The following LDB2 variants were observed in gnomAD, a reference collection of about 807,000 sequenced individuals.
The protein encoded by LDB2 is LIM domain-binding protein 2.
LDB2 carries 12 observed loss-of-function variants against 44.3 expected under a neutral mutation model. The ratio of observed to expected loss-of-function variants is 0.27; its 90% CI spans 0.17 to 0.44. The LOEUF (loss-of-function observed/expected upper bound fraction) is 0.44, where lower values mean the gene tolerates loss of function less well. Among genes scored for constraint, LDB2 ranks in the 20% least tolerant of loss-of-function variants. The pLI is 1.00. For synonymous variants in LDB2, 164 were observed against 174.8 expected (o/e 0.94, Z 0.49); for missense variants, 344 against 473.5 (o/e 0.73, Z 2.54).
intron 1 of LDB2, among the ~76,000 whole-genome samples, chr4:16,781,412 A>G (rs1773199550): frequency 6.6e-6 from 1 of 152,188 alleles, no homozygotes; most frequent in Non-Finnish European, 1.5e-5. Flanking sequence ...TAGAAAATAA[A>G]GTCAGAGCAG....
chr4:16,774,202 C>G (rs1055891794), intron 1 of LDB2, among the ~76,000 whole-genome samples: 10 of 151,018 alleles, frequency 6.6e-5, no homozygotes, highest in Middle Eastern at 3.2e-3. Flanking sequence ...ATGCAATGCC[C>G]TCATTCCACG....
At chr4:16,576,946 A>G (rs1711882728) in intron 5 of LDB2, among the ~76,000 whole-genome samples, 1 of 152,226 alleles carries the variant, frequency 6.6e-6, no homozygotes, top group Non-Finnish European at 1.5e-5. Flanking sequence ...ATCAATCAAT[A>G]TGATACATCA....
At chr4:16,539,620 G>A (rs1733063310) in intron 5 of LDB2, among the ~76,000 whole-genome samples, 1 of 152,160 alleles carries the variant, frequency 6.6e-6, no homozygotes, top group African/African-American at 2.4e-5. Context: ...AAATAGTTTA[G>A]CTTCCAAGTG....
chr4:16,734,977 G>A (rs989078282), intron 2 of LDB2, among the ~76,000 whole-genome samples: 6 of 152,082 alleles, frequency 3.9e-5, no homozygotes, highest in Non-Finnish European at 7.4e-5. Flanking sequence ...CCAAAGTGCT[G>A]GGATTACAGG....
chr4:16,677,717 A>G (rs1746683131), intron 2 of LDB2, among the ~76,000 whole-genome samples: 1 of 152,212 alleles, frequency 6.6e-6, no homozygotes, highest in Non-Finnish European at 1.5e-5. Flanking sequence ...CTTAACTGGG[A>G]GAGTTTTGTT....
intron 5 of LDB2, among the ~76,000 whole-genome samples, chr4:16,524,278 G>A (rs1443176588): frequency 6.6e-6 from 1 of 152,192 alleles, no homozygotes; most frequent in Non-Finnish European, 1.5e-5. Flanking sequence ...GAGGCTCCCT[G>A]TTGGAGGGAG....
chr4:16,863,692 A>C lies in LDB2; in HGVS notation c.132+34662T>G, dbSNP rs192211796. Among the ~76,000 whole-genome samples, 79 of 115,146 alleles carry C rather than the reference A, an allele frequency of 6.9e-4. 2 individuals are homozygous for C. In the East Asian group the frequency reaches 0.016, roughly 24 times the overall value. 75.5% of individuals were successfully genotyped at this position (115,146 alleles called of 152,430 possible). On this transcript the variant is annotated intron_variant, in intron 1 of 7. Coordinates refer to ENST00000304523, the MANE Select transcript of LDB2 (RefSeq NM_001290.5). ...TTTTTTTTTTTTGAGATGGAGTCTC[A>C]CTCTGTTACCCAGGCTAGAGCGCAG... is the stretch of plus-strand genomic sequence containing the variant.
chr4:16,711,865 G>A (rs2152662315), intron 2 of LDB2, among the ~76,000 whole-genome samples: 1 of 152,286 alleles, frequency 6.6e-6, no homozygotes, highest in Middle Eastern at 3.4e-3. Context: ...AACAAATGGT[G>A]CTGAGATAAC....
chr4:16,814,933 C>T (rs1231527122), intron 1 of LDB2, among the ~76,000 whole-genome samples: 2 of 152,198 alleles, frequency 1.3e-5, no homozygotes, highest in African/African-American at 4.8e-5. Context: ...ATTAGTGCTC[C>T]ATTCAAAAGC....
At chr4:16,773,998 C>CAAAA (rs60133554) in intron 1 of LDB2, among the ~76,000 whole-genome samples, 3 of 128,360 alleles carry the variant, frequency 2.3e-5, no homozygotes, top group Non-Finnish European at 4.9e-5. Context: ...ACTAAAAATA[C>CAAAA]AAAAAAAATA....
intron 5 of LDB2, among the ~76,000 whole-genome samples, chr4:16,520,382 T>G (rs985400376): frequency 6.6e-6 from 1 of 152,064 alleles, no homozygotes; most frequent in Non-Finnish European, 1.5e-5. Flanking sequence ...AAACTCACTC[T>G]GCTCTGAAGA....
chr4:16,846,278 G>T (rs1786988114), intron 1 of LDB2, among the ~76,000 whole-genome samples: 1 of 152,158 alleles, frequency 6.6e-6, no homozygotes, highest in African/African-American at 2.4e-5. Context: ...CAGATAAGAA[G>T]CCTCAGCTGT....
chr4:16,642,249 A>G (rs1735402824), intron 2 of LDB2, among the ~76,000 whole-genome samples: 1 of 152,200 alleles, frequency 6.6e-6, no homozygotes, highest in African/African-American at 2.4e-5. Flanking sequence ...TGAGCTAACT[A>G]GTAAGTCTGA....
intron 2 of LDB2, among the ~76,000 whole-genome samples, chr4:16,709,738 A>G (rs963551804): frequency 2.0e-5 from 3 of 152,240 alleles, no homozygotes; most frequent in Non-Finnish European, 2.9e-5. Context: ...TGGAGAATTC[A>G]GAAGAATTTT....
chr4:16,839,255 G>A (rs1387867763), intron 1 of LDB2, among the ~76,000 whole-genome samples: 1 of 152,150 alleles, frequency 6.6e-6, no homozygotes, highest in Non-Finnish European at 1.5e-5. Flanking sequence ...TGGACATCTG[G>A]CGAAAACCTC....
At chr4:16,894,078 T>C (rs985157661) in intron 1 of LDB2, among the ~76,000 whole-genome samples, 1 of 152,178 alleles carries the variant, frequency 6.6e-6, no homozygotes, top group African/African-American at 2.4e-5. Flanking sequence ...AAAAATACAT[T>C]GTTTTTGCTT....
At position 16,520,041 on chromosome 4, in the gene LDB2, A is replaced by G. The variant is rs151082843; in HGVS notation, c.616-7937T>C. Reference sequence around the variant, plus strand: ...TCAGGCCAATGGCACATGGCATTTTAGTAGCTAACGTCTCCGATAATAACC... The same window carrying G: ...TCAGGCCAATGGCACATGGCATTTTGGTAGCTAACGTCTCCGATAATAACC... On this transcript the variant is annotated intron_variant, in intron 5 of 7. Transcript: ENST00000304523. 3.0e-3 allele frequency among the ~76,000 whole-genome samples: 460 copies of G among 152,212 alleles called. 1 individual carries two copies. The highest frequency in any genetic ancestry group is 6.8e-3 in the Middle Eastern group (2 of 294).
At chr4:16,658,444 G>A (rs1018499467) in intron 2 of LDB2, among the ~76,000 whole-genome samples, 4 of 152,150 alleles carry the variant, frequency 2.6e-5, no homozygotes, top group African/African-American at 9.7e-5. Context: ...AGTAACATAA[G>A]TAAGTGAAGT....
At chr4:16,504,488 G>A (rs564250456) in intron 7 of LDB2, among the ~76,000 whole-genome samples, 31 of 152,294 alleles carry the variant, frequency 2.0e-4, no homozygotes, top group South Asian at 6.2e-4. Flanking sequence ...TGTGAGCTTG[G>A]TAAACCCAGC....
Sources: allele counts gnomAD v4.1 joint callset (sites outside exome capture counted in the v4.1 genomes callset), GRCh38; gene constraint gnomAD v4.1.1; transcripts MANE v1.5; gene names NCBI Gene and HGNC (gene_info 2026-07-23, HGNC 2026-07-21).